Variants in PTPRZ1 observed in about 807,000 individuals in gnomAD.
PTPRZ1 encodes the protein receptor-type tyrosine-protein phosphatase zeta.
PTPRZ1 carries 82 observed loss-of-function variants against 214.1 expected under a neutral mutation model. The observed-to-expected ratio is 0.38, with a 90% CI of 0.32 to 0.46. The LOEUF is 0.46. Ranked by LOEUF, PTPRZ1 falls within the 20% of genes least tolerant of loss-of-function variation. The pLI is 1.00. For synonymous variants in PTPRZ1, 945 were observed against 987.9 expected (o/e 0.96, Z 0.81); for missense variants, 2,603 against 2,748.7 (o/e 0.95, Z 1.19).
intron 2 of PTPRZ1, among the ~76,000 whole-genome samples, chr7:121,947,692 C>T (rs1044570133): frequency 2.0e-5 from 3 of 152,186 alleles, no homozygotes; most frequent in South Asian, 2.1e-4. Context: ...TAAATGGAAG[C>T]AGGATGTTGC....
At chr7:121,934,927 CTA>C (rs1183823686) in intron 2 of PTPRZ1, among the ~76,000 whole-genome samples, 1 of 152,134 alleles carries the variant, frequency 6.6e-6, no homozygotes, top group East Asian at 1.9e-4. Flanking sequence ...TGTATTGACT[CTA>C]TTCATGAAAA....
In PTPRZ1 at chr7:121,938,485, G is replaced by T. The variant is rs113368180; in HGVS notation, c.124+10264G>T. 8.4e-3 allele frequency among the ~76,000 whole-genome samples: 1,279 copies of T among 152,326 alleles called. 8 individuals are homozygous for T. Among genetic ancestry groups the T allele is most frequent in the Non-Finnish European group, 0.011 (776 of 68,044 alleles). On this transcript the variant is annotated intron_variant, in intron 2 of 29. Coordinates refer to ENST00000393386, the MANE Select transcript of PTPRZ1 (RefSeq NM_002851.3). ...AAACTTCATATTTTTGAGACAAGAG[G>T]TAGCTTTACAAGTTGGAGCCAGAGG...
intron 12 of PTPRZ1, among the ~76,000 whole-genome samples, chr7:122,018,099 G>A (rs1246594975): frequency 6.6e-6 from 1 of 152,178 alleles, no homozygotes; most frequent in East Asian, 1.9e-4. Context: ...AAGTGCATAA[G>A]AAGGCATGTA....
intron 1 of PTPRZ1, among the ~76,000 whole-genome samples, chr7:121,924,091 C>T (rs1360163505): frequency 2.0e-5 from 3 of 152,024 alleles, no homozygotes; most frequent in Non-Finnish European, 4.4e-5. Flanking sequence ...CAATCACTTC[C>T]TGAAATTTCT....
At position 121,972,696 on chromosome 7, in the gene PTPRZ1, A is replaced by G; in HGVS notation, c.456+4A>G. 1 of 1,599,394 alleles carries G rather than the reference A, an allele frequency of 6.3e-7. No individual in the cohort carries two copies. Among genetic ancestry groups the G allele is most frequent in the African/African-American group, 1.3e-5 (1 of 74,702 alleles). ...AGGACAAAAATTTCCACTTGAGGTA[A>G]GTCAGGAGATCTGCTGTGTACTATT... On this transcript the variant is annotated splice_donor_region_variant and intron_variant, in intron 4 of 29. Transcript: ENST00000393386.
At chr7:121,985,656 C>T (rs574061913) in intron 8 of PTPRZ1, among the ~76,000 whole-genome samples, 1 of 152,304 alleles carries the variant, frequency 6.6e-6, no homozygotes, top group Non-Finnish European at 1.5e-5. Flanking sequence ...TCAAGTTGAG[C>T]ATTGCATCCA....
chr7:122,014,114 GACAAA>G (rs1212397116), intron 12 of PTPRZ1, among the ~76,000 whole-genome samples: 1 of 152,028 alleles, frequency 6.6e-6, no homozygotes, highest in Non-Finnish European at 1.5e-5. Flanking sequence ...CTCCAAAATA[GACAAA>G]ACAATTTTTA....
At chr7:122,022,954 A>C (rs1471207243) in intron 13 of PTPRZ1, among the ~76,000 whole-genome samples, 1 of 152,180 alleles carries the variant, frequency 6.6e-6, no homozygotes, top group South Asian at 2.1e-4. Flanking sequence ...GGATCCAAAG[A>C]CTTTTCAATG....
intron 1 of PTPRZ1, among the ~76,000 whole-genome samples, chr7:121,892,994 A>G (rs568866429): frequency 4.7e-4 from 72 of 152,128 alleles, no homozygotes; most frequent in Non-Finnish European, 8.7e-4. Context: ...ATTCCATCAG[A>G]GATACAAATT....
At chr7:121,951,115 G>A (rs1796530204) in intron 2 of PTPRZ1, among the ~76,000 whole-genome samples, 1 of 152,192 alleles carries the variant, frequency 6.6e-6, no homozygotes, top group Non-Finnish European at 1.5e-5. Context: ...GTTCTACCAA[G>A]TGAAATCACA....
chr7:122,023,985 A>G (rs1433026155), intron 13 of PTPRZ1, among the ~76,000 whole-genome samples: 1 of 151,492 alleles, frequency 6.6e-6, no homozygotes, highest in East Asian at 1.9e-4. Flanking sequence ...TATGTCTACA[A>G]GTTTAAGACA....
At position 122,012,632 on chromosome 7, in the gene PTPRZ1, A is replaced by G. The variant is rs1798709566; in HGVS notation, c.3586A>G (p.Lys1196Glu). The G allele has an allele frequency of 9.9e-6, 16 of 1,613,878 alleles. No individual in the cohort carries two copies. Among genetic ancestry groups the G allele is most frequent in the Non-Finnish European group, 1.3e-5 (15 of 1,179,810 alleles). The change falls in exon 12 of 30, where the codon AAA (lysine) becomes GAA (glutamate). Residue 1196 changes from lysine (K) to glutamate (E), a missense_variant. Around this residue, in one of 6 missense-constraint regions of PTPRZ1, gnomAD observed 1,913 missense variants for 1,914.3 expected, o/e 1.00. Transcript: ENST00000393386. Reference sequence around the variant, plus strand: ...GGCTTCTGATGTTGACACCTTGCTTAAAACTGTTCTTCCAGCTGTGCCCAG... The same window carrying G: ...GGCTTCTGATGTTGACACCTTGCTTGAAACTGTTCTTCCAGCTGTGCCCAG... ...FQASDVDTLLKTVLPAVPSDP... is the reference protein window; with the variant it reads ...FQASDVDTLLETVLPAVPSDP...
chr7:121,991,242 A>T (rs1797952534), intron 8 of PTPRZ1, among the ~76,000 whole-genome samples: 1 of 152,230 alleles, frequency 6.6e-6, no homozygotes, highest in African/African-American at 2.4e-5. Context: ...CTACTGACTC[A>T]TAACTAGTAT....
intron 4 of PTPRZ1, among the ~76,000 whole-genome samples, 173 bp from the exon 5 acceptor site, chr7:121,976,000 G>C (rs1385523528): frequency 6.6e-6 from 1 of 152,144 alleles, no homozygotes; most frequent in East Asian, 1.9e-4. Context: ...TTTGGTTTTA[G>C]ATATGTCTAA....
Position 121,983,702 on chromosome 7 carries a change from C to T in PTPRZ1, c.657C>T (p.Asn219=). The stretch of plus-strand genomic sequence containing the variant: ...CTTTAGATCCATTCATACTGTTGAA[C>T]CTTCTGCCAAACTCAACTGACAAGT... The part of the protein sequence containing the change: ...QAALDPFILL[N]LLPNSTDKYY... Residue 219 remains asparagine, a synonymous_variant, in exon 7 of 30, where the codon AAC becomes AAT. Coordinates refer to ENST00000393386, the MANE Select transcript of PTPRZ1 (RefSeq NM_002851.3). The T allele has an allele frequency of 5.0e-6, 8 of 1,613,696 alleles. No homozygotes were observed. Among genetic ancestry groups the T allele is most frequent in the Non-Finnish European group, 6.8e-6 (8 of 1,179,884 alleles).
chr7:121,874,730 G>T (rs73229117), intron 1 of PTPRZ1, among the ~76,000 whole-genome samples: 1 of 152,248 alleles, frequency 6.6e-6, no homozygotes, highest in Non-Finnish European at 1.5e-5. Context: ...AAATTTCAAA[G>T]GCTTTATGAA....
chr7:121,968,038 C>T lies in PTPRZ1; in HGVS notation c.212C>T (p.Thr71Ile), dbSNP rs1335426993. 6.3e-7 allele frequency: 1 copy of T among 1,594,896 alleles called. No individual in the cohort carries two copies. The highest frequency in any genetic ancestry group is 8.6e-7 in the Non-Finnish European group (1 of 1,165,320). Reference protein sequence around the residue: ...QSPINIDEDLTQVNVNLKKLK... With the variant: ...QSPINIDEDLIQVNVNLKKLK... ...CCTATCAATATTGATGAAGATCTTA[C>T]ACAAGTAAATGTGAATCTTAAGAAA... The change falls in exon 3 of 30, where the codon ACA (threonine) becomes ATA (isoleucine). Residue 71 changes from threonine to isoleucine, a missense_variant. Thr to Ile is a moderately conservative substitution (Grantham distance 89). Around this residue, in one of 6 missense-constraint regions of PTPRZ1, gnomAD observed 141 missense variants for 143.7 expected, o/e 0.98. Coordinates refer to ENST00000393386, the MANE Select transcript of PTPRZ1 (RefSeq NM_002851.3).
chr7:121,988,507 G>C (rs1422512669), intron 8 of PTPRZ1, among the ~76,000 whole-genome samples: 4 of 151,976 alleles, frequency 2.6e-5, no homozygotes, highest in African/African-American at 9.7e-5. Context: ...TCTTTCTTCT[G>C]AACCATCATA....
At chr7:121,950,646 C>CAG (rs986489533) in intron 2 of PTPRZ1, among the ~76,000 whole-genome samples, 1 of 152,152 alleles carries the variant, frequency 6.6e-6, no homozygotes, top group African/African-American at 2.4e-5. Context: ...TCTTCAAAAC[C>CAG]TATACTGAGA....
Sources: gnomAD v4.1 joint callset for allele counts (sites outside exome capture counted in the v4.1 genomes callset) on GRCh38, gnomAD v4.1.1 for gene constraint, gnomAD v4.1.1 regional missense constraint, MANE v1.5 for transcripts, NCBI Gene and HGNC (gene_info 2026-07-23, HGNC 2026-07-21) for gene names.